Variants in SLC7A14 observed in about 807,000 individuals in gnomAD.
SLC7A14 encodes the protein solute carrier family 7 member 14, also known as gamma-aminobutyric acid transporter SLC7A14.
SLC7A14 carries 37 observed loss-of-function variants against 60.2 expected under a neutral mutation model. The ratio of observed to expected loss-of-function variants is 0.61; its 90% confidence interval spans 0.47 to 0.81. The LOEUF (loss-of-function observed/expected upper bound fraction) is 0.81. Ranked by LOEUF, SLC7A14 falls within the 30% of genes least tolerant of loss-of-function variation. The probability of loss-of-function intolerance (pLI) is 0.00; values close to 1 mark genes in which losing one functional copy is unlikely to be tolerated. For synonymous variants in SLC7A14, 399 were observed against 395.8 expected (o/e 1.01, Z -0.10); for missense variants, 886 against 982.7 (o/e 0.90, Z 1.32).
At chr3:170,545,896 G>A (rs1030064431) in intron 1 of SLC7A14, among the ~76,000 whole-genome samples, 1 of 152,188 alleles carries the variant, frequency 6.6e-6, no homozygotes, top group Non-Finnish European at 1.5e-5. Context: ...ACAGTGCCTT[G>A]TGGCCAGCAG....
chr3:170,470,206 T>C (rs1739848294), intron 7 of SLC7A14, among the ~76,000 whole-genome samples: 1 of 151,952 alleles, frequency 6.6e-6, no homozygotes, highest in Non-Finnish European at 1.5e-5. Flanking sequence ...TCACACCTCC[T>C]CTCCCCTCCC....
intron 2 of SLC7A14, 129 bp from the exon 3 acceptor site, chr3:170,501,474 T>C: frequency 1.3e-6 from 1 of 752,230 alleles, no homozygotes; most frequent in Admixed American, 2.4e-5. Context: ...GTTTTATGTA[T>C]ATGAATCGAT....
chr3:170,546,774 C>T (rs1352992356), intron 1 of SLC7A14, among the ~76,000 whole-genome samples: 5 of 152,054 alleles, frequency 3.3e-5, no homozygotes, highest in Admixed American at 1.3e-4. Context: ...CAGTCTTTCA[C>T]GTCTCCAGTT....
At chr3:170,567,261 T>C (rs1181788047) in intron 1 of SLC7A14, among the ~76,000 whole-genome samples, 3 of 151,160 alleles carry the variant, frequency 2.0e-5, no homozygotes, top group Non-Finnish European at 2.9e-5. Flanking sequence ...ATGCGGTGTT[T>C]TGTTTTTTGT....
At chr3:170,474,081 C>T (rs1310903927) in intron 7 of SLC7A14, among the ~76,000 whole-genome samples, 1 of 152,144 alleles carries the variant, frequency 6.6e-6, no homozygotes, top group Non-Finnish European at 1.5e-5. Context: ...CTAGAAACAA[C>T]CCAAATGTCC....
At chr3:170,490,325 TA>T (rs1366688558) in intron 4 of SLC7A14, among the ~76,000 whole-genome samples, 1 of 152,048 alleles carries the variant, frequency 6.6e-6, no homozygotes, top group African/African-American at 2.4e-5. Context: ...TGTACACACA[TA>T]AACATGCACA....
At chr3:170,495,986 G>C (rs1712380831) in intron 4 of SLC7A14, 1 of 1,164,842 alleles carries the variant, frequency 8.6e-7, no homozygotes, top group Admixed American at 1.7e-5. Context: ...AGATCAATAA[G>C]CGTACAGAAA....
chr3:170,502,255 A>G (rs1360042399), intron 2 of SLC7A14, among the ~76,000 whole-genome samples: 1 of 152,214 alleles, frequency 6.6e-6, no homozygotes, highest in Non-Finnish European at 1.5e-5. Flanking sequence ...AAGTGGGTTC[A>G]GGGCCCACTT....
intron 1 of SLC7A14, among the ~76,000 whole-genome samples, chr3:170,570,963 C>T (rs1034240516): frequency 6.6e-6 from 1 of 152,070 alleles, no homozygotes; most frequent in African/African-American, 2.4e-5. Flanking sequence ...TTGTACCCAA[C>T]AGGTGATTTT....
intron 4 of SLC7A14, chr3:170,496,681 A>G: frequency 1.9e-6 from 2 of 1,053,098 alleles, no homozygotes; most frequent in Non-Finnish European, 1.5e-6. Flanking sequence ...GAAGACCACC[A>G]GCGGCTATGC....
intron 4 of SLC7A14, chr3:170,496,557 G>C: frequency 6.3e-7 from 1 of 1,598,336 alleles, no homozygotes; most frequent in Non-Finnish European, 8.6e-7. Flanking sequence ...TGAGTACCAG[G>C]AGCTGATGAA....
chr3:170,498,787 G>T lies in SLC7A14; in HGVS notation c.639C>A (p.Phe213Leu), dbSNP rs371437823. ...VALGVKNSIG[F>L]NNVLNVLNLA... Reference sequence around the variant, plus strand: ...GGTTCAGCACATTGAGAACATTGTTGAAGCCTATGGAATTCTTCACCCCCA... The same window carrying T: ...GGTTCAGCACATTGAGAACATTGTTTAAGCCTATGGAATTCTTCACCCCCA... The change falls in exon 4 of 8, where the codon TTC becomes TTA. Residue 213 changes from phenylalanine to leucine, a missense_variant. Coordinates refer to ENST00000231706, the MANE Select transcript of SLC7A14 (RefSeq NM_020949.3). 1.1e-4 allele frequency: 185 copies of T among 1,614,050 alleles called. No individual in the cohort carries two copies. Among genetic ancestry groups the T allele is most frequent in the Non-Finnish European group, 1.3e-4 (151 of 1,180,048 alleles).
rs899964915 is a variant in SLC7A14 at position 170,463,530 on chromosome 3, T to G, written c.*3525A>C. 1 of 152,168 alleles carries G rather than the reference T, an allele frequency of 6.6e-6. No individual in the cohort carries two copies. The highest frequency in any genetic ancestry group is 1.5e-5 in the Non-Finnish European group (1 of 68,046). 9.4% of individuals were successfully genotyped at this position (152,168 alleles called of 1,614,324 possible). ...CCCATTTCCCCTATTTGATTTTCCT[T>G]TTTAAGAGACAGGGTATTCTTCTGT... On this transcript the variant is annotated 3_prime_UTR_variant, in exon 8 of 8. Transcript: ENST00000231706.
rs77344314 is a variant in SLC7A14, at chr3:170,560,115, G to A, written c.-153+25796C>T. 7.9e-5 allele frequency among the ~76,000 whole-genome samples: 12 copies of A among 152,230 alleles called. No individual in the cohort carries two copies. The East Asian group carries it at 2.1e-3, about 27-fold the overall frequency. ...CGGGTTGGAGAGAAACAGCACAGGA[G>A]GTCTATTGCTCAAGTAATTCTATCA... On this transcript the variant is annotated intron_variant, in intron 1 of 7. Coordinates refer to ENST00000231706, the MANE Select transcript of SLC7A14 (RefSeq NM_020949.3).
At chr3:170,521,217 T>C (rs1713331354) in intron 2 of SLC7A14, among the ~76,000 whole-genome samples, 1 of 152,234 alleles carries the variant, frequency 6.6e-6, no homozygotes, top group Non-Finnish European at 1.5e-5. Context: ...GCTTGGCAAG[T>C]TGCTATAACT....
intron 2 of SLC7A14, among the ~76,000 whole-genome samples, chr3:170,525,029 A>G (rs556180061): frequency 3.3e-4 from 50 of 152,352 alleles, no homozygotes; most frequent in Non-Finnish European, 6.0e-4. Context: ...CACGTATGAT[A>G]TTAATGTAAT....
intron 4 of SLC7A14, among the ~76,000 whole-genome samples, chr3:170,497,039 A>AC (rs1404400030): frequency 3.3e-5 from 4 of 120,872 alleles, no homozygotes; most frequent in Non-Finnish European, 4.9e-5. Context: ...CTGCTTGGGG[A>AC]CCCCCCTTGC....
At chr3:170,553,032 G>GCCTTGCTGTTCTTCTATTCAGCTA (rs1375442919) in intron 1 of SLC7A14, among the ~76,000 whole-genome samples, 1 of 152,176 alleles carries the variant, frequency 6.6e-6, no homozygotes, top group Admixed American at 6.5e-5. Context: ...TCCTGCAAAA[G>GCCTTGCTGTTCTTCTATTCAGCTA]CCTTGCTGTT....
intron 6 of SLC7A14, among the ~76,000 whole-genome samples, chr3:170,482,890 T>C (rs572883036): frequency 2.0e-5 from 3 of 152,056 alleles, no homozygotes; most frequent in African/African-American, 7.2e-5. Context: ...GGGTCTTATC[T>C]ACTCTTTGTT....
Sources: gnomAD v4.1 joint callset for allele counts (sites outside exome capture counted in the v4.1 genomes callset) on GRCh38, gnomAD v4.1.1 for gene constraint, MANE v1.5 for transcripts, NCBI Gene and HGNC (gene_info 2026-07-23, HGNC 2026-07-21) for gene names.